L3MBTL4: variants seen among roughly 807,000 people sequenced by gnomAD.
L3MBTL4 encodes the protein lethal(3)malignant brain tumor-like protein 4.
Under a neutral mutation model 84.5 loss-of-function variants are expected in L3MBTL4, and 70 were observed. The observed-to-expected ratio is 0.83, with a 90% CI of 0.68 to 1.01. L3MBTL4 has a LOEUF of 1.01. Among genes scored for constraint, L3MBTL4 ranks in the 50% least tolerant of loss-of-function variants. The probability of loss-of-function intolerance (pLI) is 0.00; values close to 1 mark genes in which losing one functional copy is unlikely to be tolerated. For synonymous variants in L3MBTL4, 274 were observed against 259.8 expected, an observed-to-expected ratio of 1.05 and a Z score of -0.52; for missense variants, 715 against 754.8, an observed-to-expected ratio of 0.95 and a Z score of 0.62.
At chr18:6,336,423 A>C (rs1360970277) in intron 1 of L3MBTL4, among the ~76,000 whole-genome samples, 1 of 152,214 alleles carries the variant, frequency 6.6e-6, no homozygotes, top group Non-Finnish European at 1.5e-5. Flanking sequence ...TCTAATATTT[A>C]GCAAGGTAAG....
At chr18:6,241,619 A>T (rs2047454484) in intron 7 of L3MBTL4, among the ~76,000 whole-genome samples, 170 bp from the exon 8 acceptor site, 1 of 152,196 alleles carries the variant, frequency 6.6e-6, no homozygotes, top group Non-Finnish European at 1.5e-5. Flanking sequence ...GTCCTGCCAT[A>T]AATTCAACGT....
intron 1 of L3MBTL4, among the ~76,000 whole-genome samples, chr18:6,352,268 C>G (rs1459142813): frequency 2.6e-5 from 4 of 152,162 alleles, no homozygotes; most frequent in African/African-American, 4.8e-5. Flanking sequence ...TAATTACCTC[C>G]TCTTCTACAA....
intron 13 of L3MBTL4, among the ~76,000 whole-genome samples, chr18:6,148,634 T>C (rs1262514558): frequency 1.3e-5 from 2 of 152,090 alleles, no homozygotes; most frequent in Non-Finnish European, 2.9e-5. Context: ...TCATGCTATG[T>C]TGCCTAGGAC....
rs564335520 is a variant in L3MBTL4 at position 6,186,262 on chromosome 18, G to A, written c.982-14320C>T. Among the ~76,000 whole-genome samples, 37 of 152,032 alleles carry A rather than the reference G, an allele frequency of 2.4e-4. No individual in the cohort carries two copies. In the East Asian group the frequency reaches 2.9e-3, roughly 12 times the overall value. On this transcript the variant is annotated intron_variant, in intron 12 of 18. Coordinates refer to ENST00000317931, the MANE Select transcript of L3MBTL4 (RefSeq NM_001330559.2). ...TCACCATGTTGGCCAGGCTGGTCTC[G>A]AACTCCTGACCTCAGGTGATCTGCC... is the stretch of plus-strand genomic sequence containing the variant.
Position 6,189,582 on chromosome 18 carries a change from C to T in L3MBTL4, c.982-17640G>A, listed in dbSNP as rs558367230. ...CAATAGAAGCAAATACACAGATGAT[C>T]CAGATGTTAAAACTAGCAAAAAAGA... On this transcript the variant is annotated intron_variant, in intron 12 of 18. Coordinates refer to ENST00000317931, the MANE Select transcript of L3MBTL4 (RefSeq NM_001330559.2). Among the ~76,000 whole-genome samples the T allele has an allele frequency of 2.0e-5, 3 of 152,038 alleles. No individual in the cohort carries two copies. In the South Asian group the frequency reaches 6.2e-4, roughly 32 times the overall value.
intron 3 of L3MBTL4, 75 bp from the exon 4 acceptor site, chr18:6,302,032 T>C: frequency 8.3e-7 from 1 of 1,207,714 alleles, no homozygotes; most frequent in Non-Finnish European, 1.2e-6. Flanking sequence ...ATGTTCCTTT[T>C]TGCAGGAAGG....
intron 14 of L3MBTL4, among the ~76,000 whole-genome samples, chr18:6,134,963 C>A (rs1039170129): frequency 2.6e-5 from 4 of 152,238 alleles, no homozygotes; most frequent in Non-Finnish European, 4.4e-5. Context: ...AGAGGTTCTC[C>A]ATGAGATCCC....
chr18:6,112,179 G>C (rs1233915289), intron 14 of L3MBTL4, among the ~76,000 whole-genome samples: 1 of 151,976 alleles, frequency 6.6e-6, no homozygotes, highest in Non-Finnish European at 1.5e-5. Flanking sequence ...ACACACACAC[G>C]CACACACATC....
chr18:5,969,515 T>C lies in L3MBTL4; in HGVS notation c.1492A>G (p.Met498Val). ...AAAGGGTGGGCTGACACCGTGGACA[T>C]GGACACTGACTGGTGAAGCACCTGC... ...AQQVLHQSVS[M>V]STVSAHPFRD... Residue 498 changes from methionine to valine, a missense_variant, in exon 17 of 19, where the codon ATG (methionine) becomes GTG (valine). Transcript: ENST00000317931. 10 of 1,613,656 alleles carry C rather than the reference T, an allele frequency of 6.2e-6. No homozygotes were observed. The highest frequency in any genetic ancestry group is 8.5e-6 in the Non-Finnish European group (10 of 1,179,830).
intron 1 of L3MBTL4, among the ~76,000 whole-genome samples, chr18:6,393,524 A>G (rs457368): frequency 0.52 from 78,619 of 152,044 alleles, 20,404 homozygotes; most frequent in East Asian, 0.59. Flanking sequence ...AGCACTTTCC[A>G]CAGGCTAACT....
chr18:6,203,235 T>G (rs2045722210), intron 12 of L3MBTL4, among the ~76,000 whole-genome samples: 1 of 150,050 alleles, frequency 6.7e-6, no homozygotes, highest in Non-Finnish European at 1.5e-5. Context: ...TGATAATAAT[T>G]ACTACCCCAG....
chr18:6,183,497 C>A (rs192887018), intron 12 of L3MBTL4, among the ~76,000 whole-genome samples: 1 of 152,176 alleles, frequency 6.6e-6, no homozygotes, highest in Non-Finnish European at 1.5e-5. Context: ...CCTTTTCAGG[C>A]GACATTGTTT....
At chr18:6,241,484 A>G (rs1053173586) in intron 7 of L3MBTL4, 35 bp from the exon 8 acceptor site, 2 of 1,159,962 alleles carry the variant, frequency 1.7e-6, no homozygotes, top group Admixed American at 2.0e-5. Context: ...AATACCCAAA[A>G]GATGTAATCA....
At chr18:6,032,621 C>T (rs919822618) in intron 16 of L3MBTL4, among the ~76,000 whole-genome samples, 23 of 151,886 alleles carry the variant, frequency 1.5e-4, no homozygotes, top group African/African-American at 5.6e-4. Context: ...TAAATACATC[C>T]CTAATGTTAT....
chr18:6,325,139 C>A (rs2051648676), intron 1 of L3MBTL4, among the ~76,000 whole-genome samples: 1 of 151,988 alleles, frequency 6.6e-6, no homozygotes, highest in South Asian at 2.1e-4. Flanking sequence ...ATTCCATGAC[C>A]CCAGGGCTCC....
intron 16 of L3MBTL4, among the ~76,000 whole-genome samples, chr18:6,052,860 G>A (rs1038492151): frequency 1.3e-5 from 2 of 152,218 alleles, no homozygotes; most frequent in Non-Finnish European, 2.9e-5. Flanking sequence ...ATGTACTGCA[G>A]TGGACGAAAT....
chr18:6,334,024 A>G lies in L3MBTL4; in HGVS notation c.-90-21968T>C, dbSNP rs115613543. Among the ~76,000 whole-genome samples the G allele has an allele frequency of 3.7e-3, 558 of 152,348 alleles. 5 individuals carry two copies. Among genetic ancestry groups the G allele is most frequent in the African/African-American group, 0.013 (549 of 41,584 alleles). ...CGATGCAATATTTGATTGAGAAAGC[A>G]CATTCTGTACATTTTGACACATGTG... On this transcript the variant is annotated intron_variant, in intron 1 of 18. Coordinates refer to ENST00000317931, the MANE Select transcript of L3MBTL4 (RefSeq NM_001330559.2).
chr18:6,149,856 T>C (rs2042815631), intron 13 of L3MBTL4, among the ~76,000 whole-genome samples: 1 of 152,184 alleles, frequency 6.6e-6, no homozygotes, highest in East Asian at 1.9e-4. Flanking sequence ...CCCTTCTCTC[T>C]TTCTCTCTCT....
chr18:6,162,438 T>C lies in L3MBTL4; in HGVS notation c.1096+9390A>G, dbSNP rs925898812. Among the ~76,000 whole-genome samples, 10 of 152,246 alleles carry C rather than the reference T, an allele frequency of 6.6e-5. 1 individual carries two copies. Among genetic ancestry groups the C allele is most frequent in the African/African-American group, 2.4e-4 (10 of 41,476 alleles). ...AAGTTAAACTATCTTAAAATACTTC[T>C]AAAATATCTGGAAATTAATGTTGGC... On this transcript the variant is annotated intron_variant, in intron 13 of 18. Transcript: ENST00000317931.
Sources: allele counts gnomAD v4.1 joint callset (sites outside exome capture counted in the v4.1 genomes callset), GRCh38; gene constraint gnomAD v4.1.1; transcripts MANE v1.5; gene names NCBI Gene and HGNC (gene_info 2026-07-23, HGNC 2026-07-21).